Variants in SP3 observed in about 807,000 individuals in gnomAD.
SP3 encodes the protein Sp3 transcription factor, also known as transcription factor Sp3.
SP3 carries 10 observed loss-of-function variants against 70.3 expected under a neutral mutation model. The ratio of observed to expected loss-of-function variants is 0.14; its 90% CI spans 0.09 to 0.24. The LOEUF is 0.24. SP3 is among the 10% of genes least tolerant of loss of function. The probability of loss-of-function intolerance (pLI) is 1.00; values close to 1 mark genes in which losing one functional copy is unlikely to be tolerated. For synonymous variants in SP3, 402 were observed against 333.5 expected, an observed-to-expected ratio of 1.21 and a Z score of -2.24; for missense variants, 825 against 914.6, an observed-to-expected ratio of 0.90 and a Z score of 1.26.
intron 4 of SP3, among the ~76,000 whole-genome samples, chr2:173,947,549 T>C (rs571780614): frequency 1.3e-5 from 2 of 152,224 alleles, no homozygotes; most frequent in Non-Finnish European, 2.9e-5. Flanking sequence ...GTACAGGATT[T>C]GATTGTTTTT....
intron 2 of SP3, 140 bp from the exon 3 acceptor site, chr2:173,964,023 C>A: frequency 2.5e-6 from 1 of 403,150 alleles, no homozygotes; most frequent in Non-Finnish European, 4.3e-6. Flanking sequence ...TCTCCTCCTC[C>A]TCCTCCTCCT....
Position 173,955,098 on chromosome 2 carries a change from G to C in SP3, c.1414C>G (p.Gln472Glu). 1 of 1,614,122 alleles carries C rather than the reference G, an allele frequency of 6.2e-7. No individual in the cohort carries two copies. The highest frequency in any genetic ancestry group is 8.5e-7 in the Non-Finnish European group (1 of 1,180,040). ...TWQTFQVQGV[Q>E]NLQNLQIQNT... is the part of the protein sequence containing the mutation. ...TGTATTTGCAAATTCTGCAAGTTCT[G>C]GACCCCTTGTACTTGAAACGTTTGC... The change falls in exon 4 of 7, where the codon CAG becomes GAG. Residue 472 changes from glutamine (Q) to glutamate (E), a missense_variant. By Grantham distance (29) the Gln-to-Glu change is conservative (BLOSUM62 2). Transcript: ENST00000310015.
intron 4 of SP3, among the ~76,000 whole-genome samples, chr2:173,940,593 A>G (rs1291148944): frequency 6.6e-6 from 1 of 152,220 alleles, no homozygotes; most frequent in Non-Finnish European, 1.5e-5. Context: ...AACAAAAAGG[A>G]CTTGGAACTT....
intron 6 of SP3, among the ~76,000 whole-genome samples, chr2:173,911,435 C>T (rs2105452983): frequency 6.6e-6 from 1 of 152,320 alleles, no homozygotes; most frequent in East Asian, 1.9e-4. Context: ...TTCCCAGTTT[C>T]TCTTGTAACA....
At chr2:173,912,705 G>A (rs754181649) in intron 6 of SP3, among the ~76,000 whole-genome samples, 5 of 151,476 alleles carry the variant, frequency 3.3e-5, no homozygotes, top group Non-Finnish European at 7.4e-5. Flanking sequence ...AGAAACAGGA[G>A]TATTTTTTGT....
In SP3 at chr2:173,965,145, GCT is replaced by G. The variant is rs761672752; in HGVS notation, c.7+18_7+19del. Reference sequence around the variant, plus strand: ...GGCGGCGGCGGCAGCAGCAAGGGTTGCTCTCTCGGCTTTACGTACCGGTCATA... The same window carrying G: ...GGCGGCGGCGGCAGCAGCAAGGGTTGCTCTCGGCTTTACGTACCGGTCATA... On this transcript the variant is annotated intron_variant, in intron 1 of 6. Coordinates refer to ENST00000310015, the MANE Select transcript of SP3 (RefSeq NM_003111.5). 144 of 1,547,900 alleles carry G rather than the reference GCT, an allele frequency of 9.3e-5. No homozygotes were observed. Among genetic ancestry groups the G allele is most frequent in the Middle Eastern group, 2.2e-4 (1 of 4,626 alleles).
chr2:173,946,488 T>C (rs903645613), intron 4 of SP3, among the ~76,000 whole-genome samples: 1 of 152,126 alleles, frequency 6.6e-6, no homozygotes, highest in African/African-American at 2.4e-5. Flanking sequence ...TTACTGTTAT[T>C]TCCTCATTTC....
rs936327803 is a variant in SP3 at position 173,940,330 on chromosome 2, G to A, written c.1639+14543C>T. ...TCATTAGGTATTAGATTTTTCATAA[G>A]GAGCTTGCAACCTAGATCCCTCGCA... On this transcript the variant is annotated intron_variant, in intron 4 of 6. Transcript: ENST00000310015. Among the ~76,000 whole-genome samples the A allele has an allele frequency of 2.6e-5, 4 of 152,184 alleles. No homozygotes were observed. The South Asian group carries it at 6.2e-4, about 24-fold the overall frequency.
At chr2:173,960,377 G>A (rs1452520865) in intron 3 of SP3, among the ~76,000 whole-genome samples, 1 of 152,132 alleles carries the variant, frequency 6.6e-6, no homozygotes, top group African/African-American at 2.4e-5. Context: ...AGGAAAGGAA[G>A]GAGTATAACT....
chr2:173,936,121 G>T (rs1690204615), intron 4 of SP3, among the ~76,000 whole-genome samples: 1 of 152,044 alleles, frequency 6.6e-6, no homozygotes, highest in African/African-American at 2.4e-5. Context: ...TATGCCTCCT[G>T]GGTTCAAGCA....
At chr2:173,956,260 T>C (rs1321356152) in intron 3 of SP3, 28 bp from the exon 4 acceptor site, 5 of 1,536,932 alleles carry the variant, frequency 3.3e-6, no homozygotes, top group African/African-American at 1.4e-5. Context: ...AAAGGTGATA[T>C]ATTTGTGGTA....
intron 4 of SP3, among the ~76,000 whole-genome samples, chr2:173,951,850 A>G (rs1048520819): frequency 3.9e-5 from 6 of 152,212 alleles, no homozygotes; most frequent in Non-Finnish European, 8.8e-5. Flanking sequence ...TGAGTTGGTC[A>G]TCTGAAAACT....
chr2:173,962,420 C>T (rs145075704), intron 3 of SP3, among the ~76,000 whole-genome samples: 1 of 152,284 alleles, frequency 6.6e-6, no homozygotes, highest in African/African-American at 2.4e-5. Flanking sequence ...TAGAGGGATA[C>T]AGTTCATAAA....
upstream of SP3, chr2:173,965,547 G>A (rs933953492): frequency 2.5e-5 from 6 of 238,662 alleles, no homozygotes; most frequent in South Asian, 2.6e-4. Flanking sequence ...GTAGGTTTTC[G>A]AGAGCGGCTA....
chr2:173,960,157 G>A (rs187148262), intron 3 of SP3, among the ~76,000 whole-genome samples: 57 of 152,210 alleles, frequency 3.7e-4, no homozygotes, highest in African/African-American at 1.1e-3. Context: ...GAGACAAAGC[G>A]AGCCTTTCTC....
chr2:173,939,092 A>T (rs77882267), intron 4 of SP3, among the ~76,000 whole-genome samples: 1,700 of 152,332 alleles, frequency 0.011, 17 homozygotes, highest in Admixed American at 0.031. Flanking sequence ...GAGAAATCAT[A>T]GTCTAACTTG....
At position 173,955,612 on chromosome 2, in the gene SP3, T is replaced by C; in HGVS notation, c.900A>G (p.Gly300=). 6.2e-7 allele frequency: 1 copy of C among 1,614,162 alleles called. No individual in the cohort carries two copies. ...INADGHLINT[G]QAMDSSDNSE... The stretch of plus-strand genomic sequence containing the variant: ...AATTGTCTGAACTATCCATAGCTTG[T>C]CCTGTGTTTATCAAATGTCCGTCGG... Residue 300 remains glycine (G), a synonymous_variant, in exon 4 of 7, where the codon GGA becomes GGG. Transcript: ENST00000310015.
chr2:173,955,532 G>T lies in SP3; in HGVS notation c.980C>A (p.Thr327Lys). 1 of 1,614,074 alleles carries T rather than the reference G, an allele frequency of 6.2e-7. No individual in the cohort carries two copies. The highest frequency in any genetic ancestry group is 8.5e-7 in the Non-Finnish European group (1 of 1,180,024). ...SPDINETNTD[T>K]DLFVPTSSSS... ...AGAGGATGTTGGCACAAATAAATCT[G>T]TATCAGTATTAGTTTCATTAATATC... The change falls in exon 4 of 7, where the codon ACA becomes AAA. Residue 327 changes from threonine to lysine, a missense_variant. Coordinates refer to ENST00000310015, the MANE Select transcript of SP3 (RefSeq NM_003111.5).
chr2:173,959,785 A>T (rs1327641310), intron 3 of SP3, among the ~76,000 whole-genome samples: 1 of 152,234 alleles, frequency 6.6e-6, no homozygotes, highest in Non-Finnish European at 1.5e-5. Flanking sequence ...AAAAAAATTA[A>T]AACAGGCAAC....
Sources: gnomAD v4.1 joint callset for allele counts (sites outside exome capture counted in the v4.1 genomes callset) on GRCh38, gnomAD v4.1.1 for gene constraint, MANE v1.5 for transcripts, NCBI Gene and HGNC (gene_info 2026-07-23, HGNC 2026-07-21) for gene names.